EYS: variants seen among roughly 807,000 people sequenced by gnomAD.
The protein encoded by EYS is EGF-like photoreceptor maintenance factor.
Under a neutral mutation model 282.1 loss-of-function variants are expected in EYS, and 250 were observed. The ratio of observed to expected loss-of-function variants is 0.89; its 90% CI spans 0.80 to 0.98. The LOEUF is 0.98. EYS is among the 50% of genes least tolerant of loss of function. The pLI is 0.00. For missense variants in EYS, 4,016 were observed against 3,709.0 expected (o/e 1.08, Z -2.15); for synonymous variants, 1,355 against 1,282.9 (o/e 1.06, Z -1.20).
chr6:64,454,599 A>G (rs1775495065), intron 26 of EYS, among the ~76,000 whole-genome samples: 1 of 152,162 alleles, frequency 6.6e-6, no homozygotes, highest in Non-Finnish European at 1.5e-5. Context: ...CTCCAACAAA[A>G]TGCCAACCAA....
chr6:64,009,757 C>T (rs1768519615), intron 33 of EYS, among the ~76,000 whole-genome samples: 1 of 152,110 alleles, frequency 6.6e-6, no homozygotes, highest in Non-Finnish European at 1.5e-5. Context: ...GATTAAGTAC[C>T]ATTGCTGGAA....
chr6:65,462,440 G>C (rs932542197), intron 5 of EYS, among the ~76,000 whole-genome samples: 3 of 151,980 alleles, frequency 2.0e-5, no homozygotes, highest in African/African-American at 7.2e-5. Flanking sequence ...CACACACACA[G>C]AATCAATTTT....
intron 19 of EYS, among the ~76,000 whole-genome samples, chr6:64,856,196 C>T (rs570237679): frequency 1.3e-5 from 2 of 152,228 alleles, no homozygotes; most frequent in East Asian, 3.9e-4. Context: ...AACTGTCTTC[C>T]AAAATGGTTG....
intron 31 of EYS, among the ~76,000 whole-genome samples, chr6:64,159,721 A>AT (rs60016965): frequency 6.6e-6 from 1 of 151,420 alleles, no homozygotes; most frequent in Admixed American, 6.6e-5. Context: ...TATCCTACAT[A>AT]TTTTTTTTCC....
chr6:64,973,930 A>G (rs1295602349), intron 14 of EYS, among the ~76,000 whole-genome samples: 1 of 151,980 alleles, frequency 6.6e-6, no homozygotes, highest in South Asian at 2.1e-4. Context: ...ATACAGAAAG[A>G]TAATTCATTT....
intron 31 of EYS, among the ~76,000 whole-genome samples, chr6:64,147,283 C>T (rs942032226): frequency 1.3e-5 from 2 of 151,990 alleles, no homozygotes; most frequent in Admixed American, 1.3e-4. Context: ...TCACATGGAC[C>T]TATTGAACAC....
chr6:65,259,962 G>A (rs182451362), intron 12 of EYS, among the ~76,000 whole-genome samples: 191 of 152,092 alleles, frequency 1.3e-3, no homozygotes, highest in Admixed American at 2.2e-3. Context: ...TTTAATTTAC[G>A]CAATATATTA....
intron 22 of EYS, among the ~76,000 whole-genome samples, chr6:64,653,551 C>T (rs1354585951): frequency 6.6e-6 from 1 of 151,776 alleles, no homozygotes; most frequent in African/African-American, 2.4e-5. Flanking sequence ...TTTTTGTGCT[C>T]ATCTTAATTT....
At chr6:64,297,872 G>A (rs1769090140) in intron 30 of EYS, among the ~76,000 whole-genome samples, 2 of 151,728 alleles carry the variant, frequency 1.3e-5, no homozygotes, top group South Asian at 4.2e-4. Context: ...CAGCTACTCA[G>A]GAGGCTGAGG....
At chr6:65,512,483 A>G (rs1766928423) in intron 2 of EYS, among the ~76,000 whole-genome samples, 1 of 107,742 alleles carries the variant, frequency 9.3e-6, no homozygotes, top group African/African-American at 4.1e-5. Flanking sequence ...ACAGAGCGAG[A>G]CTCTATCTCA....
At chr6:64,006,189 C>G (rs982724813) in intron 33 of EYS, among the ~76,000 whole-genome samples, 3 of 151,928 alleles carry the variant, frequency 2.0e-5, no homozygotes, top group Non-Finnish European at 4.4e-5. Flanking sequence ...TTTTACCTCA[C>G]TGGTTAGCTG....
chr6:64,549,192 C>T lies in EYS; in HGVS notation c.5644+41031G>A, dbSNP rs567488532. Among the ~76,000 whole-genome samples the T allele has an allele frequency of 7.2e-4, 109 of 152,322 alleles. No homozygotes were observed. The Middle Eastern group carries it at 0.024, about 33-fold the overall frequency. ...AATATTCCCTCAAAGCAGATTCTCA[C>T]ACACAGATACTCATCCACTCAGTAC... is the stretch of plus-strand genomic sequence containing the variant. On this transcript the variant is annotated intron_variant, in intron 26 of 42. Transcript: ENST00000503581.
chr6:63,848,961 G>C (rs1772172064), intron 36 of EYS, among the ~76,000 whole-genome samples: 1 of 152,216 alleles, frequency 6.6e-6, no homozygotes, highest in African/African-American at 2.4e-5. Flanking sequence ...CAGCACAGCA[G>C]TCTGAAGTCA....
At chr6:63,912,531 C>T (rs1199261663) in intron 35 of EYS, among the ~76,000 whole-genome samples, 1 of 152,112 alleles carries the variant, frequency 6.6e-6, no homozygotes, top group East Asian at 1.9e-4. Context: ...TAGAGCACAA[C>T]TCAATTCAGA....
chr6:65,542,473 ATGTGTGTGTGTGTGTGTG>A (rs35318949), intron 2 of EYS, among the ~76,000 whole-genome samples: 3 of 146,448 alleles, frequency 2.0e-5, no homozygotes, highest in Non-Finnish European at 3.0e-5. Context: ...TAACAATAGA[ATGTGTGTGTGTGTGTGTG>A]TGTGTGTGTG....
intron 12 of EYS, among the ~76,000 whole-genome samples, chr6:65,141,982 G>A: frequency 6.6e-6 from 1 of 151,958 alleles, no homozygotes; most frequent in East Asian, 1.9e-4. Context: ...GGAACCCCAA[G>A]AAGAAAGACA....
chr6:64,385,903 T>G (rs369347171), intron 29 of EYS, among the ~76,000 whole-genome samples: 70 of 152,318 alleles, frequency 4.6e-4, no homozygotes, highest in South Asian at 4.1e-3. Context: ...TTCCTTTGTC[T>G]ACGGCCAGCC....
chr6:65,430,543 C>G (rs925631716), intron 5 of EYS, among the ~76,000 whole-genome samples: 1 of 152,164 alleles, frequency 6.6e-6, no homozygotes, highest in Non-Finnish European at 1.5e-5. Context: ...TTGTGGGGAA[C>G]GTGACATACA....
chr6:65,330,696 T>C, intron 11 of EYS: 1 of 945,138 alleles, frequency 1.1e-6, no homozygotes, highest in African/African-American at 1.8e-5. Context: ...TCTATCATTA[T>C]AATACTATCA....
Sources: allele counts gnomAD v4.1 joint callset (sites outside exome capture counted in the v4.1 genomes callset), GRCh38; gene constraint gnomAD v4.1.1; transcripts MANE v1.5; gene names NCBI Gene and HGNC (gene_info 2026-07-23, HGNC 2026-07-21).